NIPAL3: variants seen among roughly 807,000 people sequenced by gnomAD.
NIPAL3 encodes NIPA like domain containing 3.
In NIPAL3, 41 loss-of-function variants were observed where a neutral mutation model predicts 47.2. That is an observed-to-expected ratio of 0.87 (90% CI 0.68 to 1.13). The LOEUF (loss-of-function observed/expected upper bound fraction) is 1.13, where lower values mean the gene tolerates loss of function less well. NIPAL3 is among the 50% of genes most tolerant of loss of function. The pLI, the probability that NIPAL3 is intolerant of heterozygous loss-of-function variation, is 0.00. For missense variants in NIPAL3, 449 were observed against 530.1 expected, an observed-to-expected ratio of 0.85 and a Z score of 1.50; for synonymous variants, 194 against 209.6, an observed-to-expected ratio of 0.93 and a Z score of 0.64.
chr1:24,460,350 T>C, intron 9 of NIPAL3, 131 bp from the exon 10 acceptor site: 1 of 714,654 alleles, frequency 1.4e-6, no homozygotes, highest in Non-Finnish European at 2.3e-6. Flanking sequence ...TTTCTTCTTG[T>C]AAGGCACAGT....
intron 11 of NIPAL3, among the ~76,000 whole-genome samples, chr1:24,466,802 G>A (rs1570396157): frequency 6.6e-6 from 1 of 152,116 alleles, no homozygotes; most frequent in Non-Finnish European, 1.5e-5. Flanking sequence ...CCCTGAGAAC[G>A]GGCACCTCCT....
intron 10 of NIPAL3, among the ~76,000 whole-genome samples, chr1:24,463,311 T>A (rs1355525240): frequency 6.6e-6 from 1 of 152,220 alleles, no homozygotes; most frequent in Non-Finnish European, 1.5e-5. Flanking sequence ...ACAGACTAAT[T>A]TCATCCATGG....
chr1:24,447,701 G>A (rs1645736205), intron 5 of NIPAL3, among the ~76,000 whole-genome samples: 1 of 152,226 alleles, frequency 6.6e-6, no homozygotes, highest in African/African-American at 2.4e-5. Flanking sequence ...ATAGAAGTTT[G>A]CATCCCTTTG....
rs1645380868 is a variant in NIPAL3, at chr1:24,441,506, G to A, written c.163-549G>A. Among the ~76,000 whole-genome samples, 3 of 152,070 alleles carry A rather than the reference G, an allele frequency of 2.0e-5. No individual in the cohort carries two copies. The South Asian group carries it at 6.2e-4, about 32-fold the overall frequency. On this transcript the variant is annotated intron_variant, in intron 3 of 11. Coordinates refer to ENST00000374399, the MANE Select transcript of NIPAL3 (RefSeq NM_020448.5). ...ACATTTCCCCCCAAAAAAGAATATTGACCATGCTTGAGCCACGTATCCACC... is the reference window on the plus strand; with the variant it reads ...ACATTTCCCCCCAAAAAAGAATATTAACCATGCTTGAGCCACGTATCCACC...
intron 2 of NIPAL3, among the ~76,000 whole-genome samples, chr1:24,430,553 G>T (rs751467746): frequency 2.0e-5 from 3 of 152,136 alleles, no homozygotes; most frequent in Non-Finnish European, 4.4e-5. Context: ...CTAGGCTCCA[G>T]TATCACTAAA....
chr1:24,416,384 A>G lies in NIPAL3; in HGVS notation c.-258+480A>G. The stretch of plus-strand genomic sequence containing the variant: ...CGAGGAACGGGAAGCTTGGCAGGGA[A>G]CTGGCGCTCACCTCCAGAAGCCAGA... On this transcript the variant is annotated intron_variant, in intron 1 of 11. Transcript: ENST00000374399. This position sits in a 1 kb window ranked among gnomAD's most constrained non-coding sequence, Gnocchi z 4.8. 2 of 960,720 alleles carry G rather than the reference A, an allele frequency of 2.1e-6. No homozygotes were observed. Among genetic ancestry groups the G allele is most frequent in the Non-Finnish European group, 2.5e-6 (2 of 807,372 alleles). 59.5% of individuals were successfully genotyped at this position (960,720 alleles called of 1,614,324 possible).
At chr1:24,424,407 C>T (rs1201005308) in intron 2 of NIPAL3, among the ~76,000 whole-genome samples, 1 of 152,200 alleles carries the variant, frequency 6.6e-6, no homozygotes, top group Non-Finnish European at 1.5e-5. Flanking sequence ...ATGCACTAGG[C>T]ATGCTGGAAA....
At chr1:24,440,907 C>A (rs951693876) in intron 3 of NIPAL3, among the ~76,000 whole-genome samples, 1 of 152,154 alleles carries the variant, frequency 6.6e-6, no homozygotes, top group Admixed American at 6.5e-5. Flanking sequence ...TTCAGAGGGT[C>A]CCCTGTGGGA....
chr1:24,442,523 G>A (rs1645446308), intron 4 of NIPAL3, among the ~76,000 whole-genome samples: 1 of 152,200 alleles, frequency 6.6e-6, no homozygotes, highest in African/African-American at 2.4e-5. Context: ...GTGAGTAACA[G>A]GGCTGGGATA....
intron 2 of NIPAL3, among the ~76,000 whole-genome samples, chr1:24,430,856 G>T (rs1005249122): frequency 6.6e-6 from 1 of 152,172 alleles, no homozygotes; most frequent in Non-Finnish European, 1.5e-5. Flanking sequence ...CTTTGCTTAT[G>T]CTGTACTTTA....
At chr1:24,429,422 A>C (rs1196427561) in intron 2 of NIPAL3, among the ~76,000 whole-genome samples, 2 of 152,246 alleles carry the variant, frequency 1.3e-5, no homozygotes, top group Non-Finnish European at 2.9e-5. Flanking sequence ...CCCTTGGTAT[A>C]AAGACCATTC....
intron 10 of NIPAL3, among the ~76,000 whole-genome samples, 180 bp from the exon 11 acceptor site, chr1:24,463,846 T>G (rs1646581720): frequency 6.6e-6 from 1 of 151,992 alleles, no homozygotes. Flanking sequence ...TTATTCAACT[T>G]GCATCTGCCC....
chr1:24,454,176 G>C lies in NIPAL3; in HGVS notation c.637+672G>C. ...CAAAGTGCCAGGATTACAGGCATGA[G>C]GCCCTGTACCTGGCTAGAACTGCAT... On this transcript the variant is annotated intron_variant, in intron 7 of 11. Coordinates refer to ENST00000374399, the MANE Select transcript of NIPAL3 (RefSeq NM_020448.5). The surrounding 1 kb of genome is among the most constrained non-coding windows in gnomAD (Gnocchi z 4.1). The C allele has an allele frequency of 1.1e-5, 14 of 1,227,062 alleles. No individual in the cohort carries two copies. Among genetic ancestry groups the C allele is most frequent in the Non-Finnish European group, 1.5e-5 (14 of 965,236 alleles). The allele number at this position is 1,227,062 out of a possible 1,614,324, so 76.0% of individuals were successfully genotyped here. A position where few individuals can be genotyped will look rare whatever the true frequency, so the allele number is the denominator to read the frequency against.
rs1645924222 is a variant in NIPAL3, at chr1:24,451,304, GAC to G, written c.540+1680_540+1681del. 6.6e-6 allele frequency among the ~76,000 whole-genome samples: 1 copy of G among 152,168 alleles called. No individual in the cohort carries two copies. The highest frequency in any genetic ancestry group is 2.1e-4 in the South Asian group (1 of 4,832). On this transcript the variant is annotated intron_variant, in intron 6 of 11. Coordinates refer to ENST00000374399, the MANE Select transcript of NIPAL3 (RefSeq NM_020448.5). This position sits in a 1 kb window ranked among gnomAD's most constrained non-coding sequence, Gnocchi z 4.5. ...CACTATGGTTATAAAAAATAAATGA[GAC>G]ATGCCCACAGTACTCACGGACTGTT...
chr1:24,466,194 T>C, intron 11 of NIPAL3: 6 of 1,136,292 alleles, frequency 5.3e-6, no homozygotes, highest in Non-Finnish European at 7.4e-6. Context: ...CCCTTTCCTG[T>C]GGAACAGAAA....
intron 9 of NIPAL3, among the ~76,000 whole-genome samples, 165 bp from the exon 10 acceptor site, chr1:24,460,316 G>T (rs184179269): frequency 6.6e-6 from 1 of 152,282 alleles, no homozygotes; most frequent in Admixed American, 6.5e-5. Context: ...TTGACAACCT[G>T]ATCCCCTAAA....
intron 2 of NIPAL3, among the ~76,000 whole-genome samples, chr1:24,432,230 T>C (rs779606561): frequency 2.6e-5 from 4 of 152,272 alleles, no homozygotes; most frequent in Admixed American, 2.0e-4. Context: ...TCCGGGTTAG[T>C]GATTCTCCTG....
intron 2 of NIPAL3, among the ~76,000 whole-genome samples, chr1:24,432,849 G>T (rs143065037): frequency 6.6e-6 from 1 of 152,172 alleles, no homozygotes; most frequent in Non-Finnish European, 1.5e-5. Flanking sequence ...TTACAACAAG[G>T]CTAGTCTGTC....
At chr1:24,465,927 TCA>T in intron 11 of NIPAL3, 1 of 1,509,028 alleles carries the variant, frequency 6.6e-7, no homozygotes, top group Non-Finnish European at 8.9e-7. Context: ...CTGAACAGTC[TCA>T]GTCTAAACAG....
Sources: allele counts gnomAD v4.1 joint callset (sites outside exome capture counted in the v4.1 genomes callset), GRCh38; gene constraint gnomAD v4.1.1; non-coding constraint Gnocchi (gnomAD v3.1); transcripts MANE v1.5; gene names NCBI Gene and HGNC (gene_info 2026-07-23, HGNC 2026-07-21).